The following KCNU1 variants were observed in gnomAD, a reference collection of about 807,000 sequenced individuals.
KCNU1 encodes potassium calcium-activated channel subfamily U member 1, also known as potassium channel subfamily U member 1.
A neutral mutation model predicts 126.8 loss-of-function variants in KCNU1; 93 were observed. The observed-to-expected ratio is 0.73, with a 90% CI of 0.62 to 0.87. The LOEUF is 0.87. KCNU1 is among the 40% of genes least tolerant of loss of function. The pLI is 0.00. For missense variants in KCNU1, 1,330 were observed against 1,367.1 expected (o/e 0.97, Z 0.43); for synonymous variants, 523 against 494.2 (o/e 1.06, Z -0.77).
intron 14 of KCNU1, among the ~76,000 whole-genome samples, chr8:36,838,374 C>T (rs1804829782): frequency 6.6e-6 from 1 of 152,126 alleles, no homozygotes. Flanking sequence ...GGATGTAAAA[C>T]CATCCTCTTG....
In KCNU1 at chr8:36,841,053, TTTTC is replaced by T. The variant is rs202067801; in HGVS notation, c.1703+51_1703+54del. On this transcript the variant is annotated intron_variant, in intron 16 of 26. Transcript: ENST00000399881. ...TCAGTTGTTTTTTTTTTTTTTTTTT[TTTTC>T]CTGGAGATTCTTTGTGATTAAGAAT... 6.7e-3 allele frequency: 8,135 copies of T among 1,221,014 alleles called. 149 individuals carry two copies. In the East Asian group the frequency reaches 0.11, roughly 17 times the overall value. The allele number at this position is 1,221,014 out of a possible 1,614,324, so 75.6% of individuals were successfully genotyped here.
chr8:36,812,420 G>A (rs1045076587), intron 7 of KCNU1, among the ~76,000 whole-genome samples: 5 of 150,504 alleles, frequency 3.3e-5, no homozygotes, highest in African/African-American at 1.2e-4. Context: ...ATTACTGAAT[G>A]GATAAAAAAT....
At chr8:36,819,457 T>C (rs772553052) in intron 10 of KCNU1, among the ~76,000 whole-genome samples, 2 of 152,164 alleles carry the variant, frequency 1.3e-5, no homozygotes, top group Non-Finnish European at 2.9e-5. Flanking sequence ...TCAATCCTTA[T>C]ATACATTTTC....
chr8:36,865,971 A>G (rs1805897254), intron 19 of KCNU1, among the ~76,000 whole-genome samples: 1 of 152,048 alleles, frequency 6.6e-6, no homozygotes, highest in Non-Finnish European at 1.5e-5. Flanking sequence ...TGTGGACTCT[A>G]AAATAGCCAA....
At chr8:36,922,955 T>A (rs1808413321) in intron 24 of KCNU1, 1 of 490,602 alleles carries the variant, frequency 2.0e-6, no homozygotes, top group Non-Finnish European at 4.0e-6. Flanking sequence ...GATACCACTT[T>A]CCCTTCTCTC....
chr8:36,871,431 C>A (rs1563307211), intron 19 of KCNU1, among the ~76,000 whole-genome samples: 1 of 150,678 alleles, frequency 6.6e-6, no homozygotes, highest in Non-Finnish European at 1.5e-5. Flanking sequence ...AGAGAGCGAG[C>A]AATAATTCAT....
At chr8:36,840,780 T>G (rs1804920713) in intron 15 of KCNU1, among the ~76,000 whole-genome samples, 152 bp from the exon 16 acceptor site, 1 of 152,180 alleles carries the variant, frequency 6.6e-6, no homozygotes, top group South Asian at 2.1e-4. Context: ...GTTGGTTACT[T>G]TAGGTGGATT....
intron 10 of KCNU1, among the ~76,000 whole-genome samples, chr8:36,820,602 T>C (rs1184838720): frequency 6.9e-6 from 1 of 145,032 alleles, no homozygotes; most frequent in East Asian, 2.0e-4. Context: ...TAAGGTATTA[T>C]AAGAAAATTC....
Position 36,804,091 on chromosome 8 carries a change from G to T in KCNU1, c.377+3G>T. The stretch of plus-strand genomic sequence containing the variant: ...ATCTATTTCATCAATTCTGCTGAGT[G>T]AGTACAATGTCCAGTCACACTTGTC... On this transcript the variant is annotated splice_donor_region_variant and intron_variant, in intron 3 of 26. Transcript: ENST00000399881. 1.3e-6 allele frequency: 2 copies of T among 1,543,890 alleles called. No homozygotes were observed. Among genetic ancestry groups the T allele is most frequent in the South Asian group, 1.2e-5 (1 of 84,524 alleles).
intron 3 of KCNU1, among the ~76,000 whole-genome samples, chr8:36,804,682 G>A (rs1803433108): frequency 6.6e-6 from 1 of 152,134 alleles, no homozygotes; most frequent in South Asian, 2.1e-4. Flanking sequence ...AGCTAAAATG[G>A]AATTGGGATT....
At chr8:36,894,854 A>T (rs1352038456) in intron 19 of KCNU1, among the ~76,000 whole-genome samples, 4 of 152,154 alleles carry the variant, frequency 2.6e-5, no homozygotes, top group African/African-American at 9.6e-5. Flanking sequence ...CGTAAAATGT[A>T]AAATGCATAA....
At chr8:36,902,726 A>G (rs1231213548) in intron 19 of KCNU1, among the ~76,000 whole-genome samples, 1 of 152,140 alleles carries the variant, frequency 6.6e-6, no homozygotes, top group Non-Finnish European at 1.5e-5. Context: ...ATGAAAATCA[A>G]GACCAGACTC....
At chr8:36,918,740 A>G (rs953805298) in intron 22 of KCNU1, 83 bp from the exon 23 acceptor site, 1 of 862,264 alleles carries the variant, frequency 1.2e-6, no homozygotes, top group Non-Finnish European at 1.9e-6. Context: ...ATAAAGCACC[A>G]AGTTACATTA....
chr8:36,905,851 G>T (rs373925785), intron 20 of KCNU1, 47 bp downstream of exon 20: 3 of 882,920 alleles, frequency 3.4e-6, no homozygotes, highest in East Asian at 5.2e-5. Flanking sequence ...AAAGCATTTC[G>T]TAGGGTAAGT....
intron 19 of KCNU1, among the ~76,000 whole-genome samples, chr8:36,893,773 G>A (rs952603504): frequency 6.6e-6 from 1 of 152,074 alleles, no homozygotes; most frequent in African/African-American, 2.4e-5. Flanking sequence ...CTCTGAAGAT[G>A]TTGATTTTGA....
Position 36,830,848 on chromosome 8 carries a change from G to A in KCNU1, c.1107-2706G>A, listed in dbSNP as rs931308020. Among the ~76,000 whole-genome samples, 145 of 151,356 alleles carry A rather than the reference G, an allele frequency of 9.6e-4. 1 individual carries two copies. Among genetic ancestry groups the A allele is most frequent in the African/African-American group, 3.2e-3 (134 of 41,328 alleles). The stretch of plus-strand genomic sequence containing the variant: ...ATGTATACATGTGCCATGCTGGTGC[G>A]CTGCACCCACTAACTCGTCATCTAG... On this transcript the variant is annotated intron_variant, in intron 10 of 26. Coordinates refer to ENST00000399881, the MANE Select transcript of KCNU1 (RefSeq NM_001031836.3).
chr8:36,860,468 T>C (rs560550640), intron 18 of KCNU1, among the ~76,000 whole-genome samples: 2 of 152,320 alleles, frequency 1.3e-5, no homozygotes, highest in South Asian at 4.1e-4. Flanking sequence ...GACCTTCTTC[T>C]TAATGGAATT....
intron 10 of KCNU1, among the ~76,000 whole-genome samples, chr8:36,824,734 A>T (rs1804253124): frequency 6.6e-6 from 1 of 152,056 alleles, no homozygotes; most frequent in Non-Finnish European, 1.5e-5. Context: ...CTGTTTTTTT[A>T]AATGTGTATA....
At chr8:36,919,987 C>G (rs766335972) in intron 23 of KCNU1, among the ~76,000 whole-genome samples, 1 of 152,200 alleles carries the variant, frequency 6.6e-6, no homozygotes, top group East Asian at 1.9e-4. Flanking sequence ...TTTTGTGGAG[C>G]AGAGGCTGTT....
Sources: gnomAD v4.1 joint callset for allele counts (sites outside exome capture counted in the v4.1 genomes callset) on GRCh38, gnomAD v4.1.1 for gene constraint, MANE v1.5 for transcripts, NCBI Gene and HGNC (gene_info 2026-07-23, HGNC 2026-07-21) for gene names.